Variants in RIMS2 observed in about 807,000 individuals in gnomAD.
The protein encoded by RIMS2 is regulating synaptic membrane exocytosis protein 2.
Under a neutral mutation model 174.4 loss-of-function variants are expected in RIMS2, and 59 were observed. That is an observed-to-expected ratio of 0.34 (90% CI 0.27 to 0.42). The LOEUF (loss-of-function observed/expected upper bound fraction) is 0.42. Among genes scored for constraint, RIMS2 ranks in the 10% least tolerant of loss-of-function variants. The pLI is 1.00. For synonymous variants in RIMS2, 606 were observed against 572.5 expected (o/e 1.06, Z -0.84); for missense variants, 1,620 against 1,666.3 (o/e 0.97, Z 0.48).
chr8:103,911,574 G>A (rs995308453), intron 5 of RIMS2, among the ~76,000 whole-genome samples: 11 of 152,080 alleles, frequency 7.2e-5, no homozygotes, highest in Non-Finnish European at 1.0e-4. Flanking sequence ...CAAATGTAAT[G>A]TTTTAATATG....
chr8:103,739,410 A>G (rs2097731063), intron 2 of RIMS2, among the ~76,000 whole-genome samples: 1 of 152,224 alleles, frequency 6.6e-6, no homozygotes, highest in African/African-American at 2.4e-5. Flanking sequence ...GGATAGCATT[A>G]GGAGATATAC....
At chr8:103,538,201 C>T (rs1298147379) in intron 1 of RIMS2, among the ~76,000 whole-genome samples, 3 of 152,116 alleles carry the variant, frequency 2.0e-5, no homozygotes, top group Non-Finnish European at 4.4e-5. Flanking sequence ...AGCCCTGTTG[C>T]TTCTTCCTCT....
chr8:103,804,851 C>T (rs1330102568), intron 3 of RIMS2, among the ~76,000 whole-genome samples: 1 of 151,888 alleles, frequency 6.6e-6, no homozygotes, highest in Non-Finnish European at 1.5e-5. Flanking sequence ...GGCTGGAGTG[C>T]AGAGGTACAG....
intron 19 of RIMS2, among the ~76,000 whole-genome samples, chr8:104,045,762 G>T (rs953521480): frequency 6.6e-6 from 1 of 151,738 alleles, no homozygotes; most frequent in Non-Finnish European, 1.5e-5. Flanking sequence ...TACCTTAAGA[G>T]TTTGAGAAAA....
intron 19 of RIMS2, among the ~76,000 whole-genome samples, chr8:104,183,875 T>C (rs1214171286): frequency 1.3e-5 from 2 of 151,658 alleles, no homozygotes; most frequent in Admixed American, 6.6e-5. Context: ...TCGACTTATC[T>C]TTTAAATTCT....
At position 104,223,668 on chromosome 8, in the gene RIMS2, T is replaced by TG. The variant is rs567070433; in HGVS notation, c.3335-21242dup. 3.4e-4 allele frequency: 543 copies of TG among 1,591,106 alleles called. 5 individuals carry two copies. In the East Asian group the frequency reaches 3.8e-3, roughly 11 times the overall value. On this transcript the variant is annotated intron_variant, in intron 19 of 23. Coordinates refer to ENST00000504942, the Ensembl canonical transcript of RIMS2. ...TCGTCCAAGATGGGCCGGCAGGGCT[T>TG]GGGGGGTGCCAGCGCTGCGGGGCGC...
At chr8:104,018,659 T>G (rs1413787223) in intron 19 of RIMS2, among the ~76,000 whole-genome samples, 2 of 152,178 alleles carry the variant, frequency 1.3e-5, no homozygotes, top group Admixed American at 1.3e-4. Flanking sequence ...TGTGTTATGG[T>G]GAGTACAGTT....
chr8:104,248,872 C>A (rs182577104), intron 21 of RIMS2, 59 bp downstream of exon 27: 3 of 846,424 alleles, frequency 3.5e-6, no homozygotes, highest in African/African-American at 3.5e-5. Flanking sequence ...AAATGAAATT[C>A]TCTAAATTTC....
chr8:103,605,480 G>A (rs1300941329), intron 1 of RIMS2, among the ~76,000 whole-genome samples: 1 of 149,956 alleles, frequency 6.7e-6, no homozygotes, highest in African/African-American at 2.5e-5. Flanking sequence ...TTGTGTCTCT[G>A]CCCGGCTTTG....
chr8:104,087,740 AAT>A (rs138884268), intron 19 of RIMS2, among the ~76,000 whole-genome samples: 1 of 152,272 alleles, frequency 6.6e-6, no homozygotes, highest in East Asian at 1.9e-4. Context: ...TAGCTAGTTT[AAT>A]TACTATACCA....
At chr8:103,913,177 A>C (rs1595034083) in intron 6 of RIMS2, among the ~76,000 whole-genome samples, 2 of 149,486 alleles carry the variant, frequency 1.3e-5, no homozygotes, top group African/African-American at 4.9e-5. Context: ...ACGGGGTTTC[A>C]CCATGTTGGC....
chr8:103,843,329 T>G (rs1489657036), intron 3 of RIMS2, among the ~76,000 whole-genome samples: 2 of 152,316 alleles, frequency 1.3e-5, no homozygotes, highest in East Asian at 3.9e-4. Context: ...CTTGTTGGAT[T>G]TTGAACTCCT....
intron 1 of RIMS2, among the ~76,000 whole-genome samples, chr8:103,507,645 T>TA (rs1824314092): frequency 6.6e-6 from 1 of 152,132 alleles, no homozygotes; most frequent in Non-Finnish European, 1.5e-5. Flanking sequence ...GAAGGAAACT[T>TA]ACAGTGTTTG....
chr8:103,880,211 A>C (rs1361028884), intron 3 of RIMS2, among the ~76,000 whole-genome samples: 1 of 151,646 alleles, frequency 6.6e-6, no homozygotes, highest in Non-Finnish European at 1.5e-5. Flanking sequence ...TTATTTTAGA[A>C]ATACTGCAAT....
intron 21 of RIMS2, 90 bp from the exon 28 acceptor site, chr8:104,249,397 A>G (rs545868972): frequency 1.6e-6 from 1 of 611,448 alleles, no homozygotes; most frequent in Non-Finnish European, 3.0e-6. Context: ...ATGGGAAATG[A>G]TGAAACGATG....
chr8:104,023,524 C>T (rs937821270), intron 19 of RIMS2, among the ~76,000 whole-genome samples: 4 of 152,064 alleles, frequency 2.6e-5, no homozygotes, highest in Non-Finnish European at 5.9e-5. Context: ...ATAATGACAT[C>T]CAGGTTTTTA....
rs186724847 is a variant in RIMS2 at position 104,245,889 on chromosome 8, C to A, written c.3476+832C>A. Reference sequence around the variant, plus strand: ...ACAAGAGATATAACTGGTTTCTCTACATTTGTAAGTAGGCTTATTTGGGAT... The same window carrying A: ...ACAAGAGATATAACTGGTTTCTCTAAATTTGTAAGTAGGCTTATTTGGGAT... On this transcript the variant is annotated intron_variant, in intron 20 of 23. Coordinates refer to ENST00000504942, the Ensembl canonical transcript of RIMS2. Among the ~76,000 whole-genome samples, 331 of 152,270 alleles carry A rather than the reference C, an allele frequency of 2.2e-3. 1 individual carries two copies. The highest frequency in any genetic ancestry group is 7.5e-3 in the African/African-American group (310 of 41,560).
chr8:104,214,599 C>T (rs996372932), intron 19 of RIMS2, among the ~76,000 whole-genome samples: 1 of 150,764 alleles, frequency 6.6e-6, no homozygotes, highest in Non-Finnish European at 1.5e-5. Context: ...AGTTGCCCAC[C>T]ACCACACCCA....
At chr8:104,014,678 T>A in intron 19 of RIMS2, 63 bp downstream of exon 21, 3 of 946,296 alleles carry the variant, frequency 3.2e-6, no homozygotes, top group Non-Finnish European at 5.1e-6. Flanking sequence ...TGAATCAAGA[T>A]TTTCTTATTA....
Sources: allele counts gnomAD v4.1 joint callset (sites outside exome capture counted in the v4.1 genomes callset), GRCh38; gene constraint gnomAD v4.1.1; transcripts MANE v1.5; gene names NCBI Gene and HGNC (gene_info 2026-07-23, HGNC 2026-07-21).